DNMT1: variants seen among roughly 807,000 people sequenced by gnomAD.
DNMT1 encodes the protein DNA (cytosine-5)-methyltransferase 1.
A neutral mutation model predicts 205.3 loss-of-function variants in DNMT1; 24 were observed. That is an observed-to-expected ratio of 0.12 (90% CI 0.08 to 0.16). DNMT1 has a LOEUF of 0.16. Among genes scored for constraint, DNMT1 ranks in the 10% least tolerant of loss-of-function variants. The pLI is 1.00. For missense variants in DNMT1, 1,293 were observed against 2,177.7 expected, an observed-to-expected ratio of 0.59 and a Z score of 8.09; for synonymous variants, 817 against 839.8, an observed-to-expected ratio of 0.97 and a Z score of 0.47.
Position 10,156,030 on chromosome 19 carries a change from T to A in DNMT1, c.1400-85A>T. 7.1e-7 allele frequency: 1 copy of A among 1,411,470 alleles called. No individual in the cohort carries two copies. Among genetic ancestry groups the A allele is most frequent in the Non-Finnish European group, 9.8e-7 (1 of 1,020,368 alleles). 87.4% of individuals were successfully genotyped at this position (1,411,470 alleles called of 1,614,324 possible). Reference sequence around the variant, plus strand: ...GCTCTAAGCGCCCACTCAGCAGACATCCCATCAGCCAGGTCGGGTGCTCCT... The same window carrying A: ...GCTCTAAGCGCCCACTCAGCAGACAACCCATCAGCCAGGTCGGGTGCTCCT... On this transcript the variant is annotated intron_variant, in intron 18 of 40. Transcript: ENST00000359526. This position sits in a 1 kb window ranked among gnomAD's most constrained non-coding sequence, Gnocchi z 4.2.
intron 1 of DNMT1, among the ~76,000 whole-genome samples, chr19:10,185,195 G>A (rs895192437): frequency 1.3e-5 from 2 of 152,176 alleles, no homozygotes; most frequent in African/African-American, 4.8e-5. Context: ...GAAGGCTGAG[G>A]TGGGCGGATC....
rs151154163 is a variant in DNMT1 at position 10,182,083 on chromosome 19, A to G, written c.81-6T>C. 1.9e-5 allele frequency: 30 copies of G among 1,612,954 alleles called. No individual in the cohort carries two copies. The East Asian group carries it at 6.2e-4, about 34-fold the overall frequency. ...CTCTTTCCAAATCTTTGAGCCTGGG[A>G]GGAAGAAATAGGGGAGAAAATACAA... On this transcript the variant is annotated splice_polypyrimidine_tract_variant and splice_region_variant and intron_variant, in intron 1 of 40. Coordinates refer to ENST00000359526, the MANE Select transcript of DNMT1 (RefSeq NM_001130823.3).
Position 10,138,716 on chromosome 19 carries a change from G to A in DNMT1, c.3949-111C>T, listed in dbSNP as rs531116757. ...TGAGTCGGGAGTGGCTGGCCAATGC[G>A]GAGTGCACTTGCAGAAATCCCCAGT... is the stretch of plus-strand genomic sequence containing the variant. On this transcript the variant is annotated intron_variant, in intron 34 of 40. Transcript: ENST00000359526. The surrounding 1 kb of genome is among the most constrained non-coding windows in gnomAD (Gnocchi z 4.1). 1.7e-4 allele frequency: 227 copies of A among 1,372,728 alleles called. 1 individual carries two copies. In the African/African-American group the frequency reaches 2.7e-3, roughly 17 times the overall value. The allele number at this position is 1,372,728 out of a possible 1,614,324, so 85.0% of individuals were successfully genotyped here. A position where few individuals can be genotyped will look rare whatever the true frequency, so the allele number is the denominator to read the frequency against.
intron 5 of DNMT1, among the ~76,000 whole-genome samples, 186 bp from the exon 6 acceptor site, chr19:10,177,553 G>A (rs1158297295): frequency 6.6e-6 from 1 of 152,150 alleles, no homozygotes; most frequent in Non-Finnish European, 1.5e-5. Flanking sequence ...GCACCTGCCA[G>A]TTTGTTGAGC....
chr19:10,168,385 A>G (rs56093633), intron 9 of DNMT1, 21 bp from the exon 10 acceptor site: 1 of 1,613,766 alleles, frequency 6.2e-7, no homozygotes, highest in South Asian at 1.1e-5. Context: ...GGGAAAAAAG[A>G]CAAGTTAATT....
intron 17 of DNMT1, among the ~76,000 whole-genome samples, chr19:10,157,787 G>A (rs766743899): frequency 7.2e-5 from 11 of 152,312 alleles, no homozygotes; most frequent in Non-Finnish European, 1.2e-4. Context: ...GAGAGATGAA[G>A]CCAGCGTGGA....
rs1366994870 is a variant in DNMT1 at position 10,138,067 on chromosome 19, TC to T, written c.4116-59del. 1.3e-6 allele frequency: 2 copies of T among 1,558,034 alleles called. No homozygotes were observed. Among genetic ancestry groups the T allele is most frequent in the African/African-American group, 2.7e-5 (2 of 73,886 alleles). Reference sequence around the variant, plus strand: ...GATGCACGCAGCAGCTGTCCCCTCATCACAGGTGCCACCCCCTGCCTGCTCA... The same window carrying T: ...GATGCACGCAGCAGCTGTCCCCTCATACAGGTGCCACCCCCTGCCTGCTCA... On this transcript the variant is annotated intron_variant, in intron 35 of 40. Transcript: ENST00000359526. This position sits in a 1 kb window ranked among gnomAD's most constrained non-coding sequence, Gnocchi z 4.1.
chr19:10,145,869 C>T (rs1230610539), intron 28 of DNMT1, among the ~76,000 whole-genome samples: 2 of 152,046 alleles, frequency 1.3e-5, no homozygotes, highest in Admixed American at 6.6e-5. Context: ...CACTCTGTTG[C>T]CCAGGATGGA....
Position 10,149,836 on chromosome 19 carries a change from AAAAG to A in DNMT1, c.2381+13_2381+16del. ...AGAAAGTGCATGCAGAAGTCAAGCA[AAAAG>A]AAAGATGCAAACCTTGCTAGATACA... On this transcript the variant is annotated intron_variant, in intron 25 of 40. Coordinates refer to ENST00000359526, the MANE Select transcript of DNMT1 (RefSeq NM_001130823.3). 1.2e-6 allele frequency: 2 copies of A among 1,614,012 alleles called. No homozygotes were observed. The highest frequency in any genetic ancestry group is 1.7e-6 in the Non-Finnish European group (2 of 1,179,832).
In DNMT1 at chr19:10,140,723, A is replaced by G; in HGVS notation, c.3523+58T>C. The G allele has an allele frequency of 6.2e-7, 1 of 1,613,538 alleles. No individual in the cohort carries two copies. Among genetic ancestry groups the G allele is most frequent in the African/African-American group, 1.3e-5 (1 of 75,066 alleles). ...ACCGGGGTTGGAAGTCGTTTCAGGT[A>G]GCACCTGCCCGGTCTGGGCTCACCA... On this transcript the variant is annotated intron_variant, in intron 32 of 40. Coordinates refer to ENST00000359526, the MANE Select transcript of DNMT1 (RefSeq NM_001130823.3). This position sits in a 1 kb window ranked among gnomAD's most constrained non-coding sequence, Gnocchi z 8.4.
At chr19:10,157,560 A>G (rs926915595) in intron 17 of DNMT1, among the ~76,000 whole-genome samples, 14 of 152,176 alleles carry the variant, frequency 9.2e-5, no homozygotes, top group Admixed American at 3.9e-4. Flanking sequence ...TTCCCGGCCA[A>G]AGATGCTGGG....
chr19:10,141,755 G>A, intron 30 of DNMT1: 1 of 481,560 alleles, frequency 2.1e-6, no homozygotes, highest in South Asian at 2.5e-5. Flanking sequence ...GTTGCACCAA[G>A]ACACTAAAAC....
At position 10,156,624 on chromosome 19, in the gene DNMT1, T is replaced by C; in HGVS notation, c.1281-115A>G. On this transcript the variant is annotated intron_variant, in intron 17 of 40. Transcript: ENST00000359526. This position sits in a 1 kb window ranked among gnomAD's most constrained non-coding sequence, Gnocchi z 4.2. The stretch of plus-strand genomic sequence containing the variant: ...AATGTACAAGTCTGACACTCTTTTT[T>C]TGTTTGTTTTTGAGACAGAGTCTTG... 1.3e-6 allele frequency: 1 copy of C among 778,340 alleles called. No homozygotes were observed. The highest frequency in any genetic ancestry group is 1.4e-5 in the South Asian group (1 of 71,314). The allele number at this position is 778,340 out of a possible 1,614,324, so 48.2% of individuals were successfully genotyped here.
intron 11 of DNMT1, among the ~76,000 whole-genome samples, chr19:10,165,666 T>C (rs971334627): frequency 1.3e-5 from 2 of 152,170 alleles, no homozygotes; most frequent in Non-Finnish European, 2.9e-5. Context: ...GTGCTGGGAT[T>C]ACAGTAGTGA....
chr19:10,181,109 G>A (rs1414378952), intron 2 of DNMT1, among the ~76,000 whole-genome samples: 4 of 152,150 alleles, frequency 2.6e-5, no homozygotes, highest in Non-Finnish European at 5.9e-5. Flanking sequence ...AGCTGGAGGT[G>A]AGATGGAGAC....
intron 11 of DNMT1, among the ~76,000 whole-genome samples, chr19:10,164,090 G>A (rs998212986): frequency 6.6e-6 from 1 of 152,068 alleles, no homozygotes; most frequent in African/African-American, 2.4e-5. Flanking sequence ...CTGAATGTTG[G>A]TCAGAGATGC....
Position 10,154,545 on chromosome 19 carries a change from C to T in DNMT1, c.1832+41G>A, listed in dbSNP as rs776031443. On this transcript the variant is annotated intron_variant, in intron 21 of 40. Coordinates refer to ENST00000359526, the MANE Select transcript of DNMT1 (RefSeq NM_001130823.3). The surrounding 1 kb of genome is among the most constrained non-coding windows in gnomAD (Gnocchi z 6.3). ...GGATGTGGGCCATGCTCTACCCTCC[C>T]CGGTCTCCAGTCTTCACTCTGGTCC... 3.1e-6 allele frequency: 5 copies of T among 1,613,824 alleles called. No individual in the cohort carries two copies. The Admixed American group carries it at 8.3e-5, about 27-fold the overall frequency.
chr19:10,146,852 A>G lies in DNMT1; in HGVS notation c.2721-328T>C, dbSNP rs1451106035. Among the ~76,000 whole-genome samples, 1 of 152,236 alleles carries G rather than the reference A, an allele frequency of 6.6e-6. No individual in the cohort carries two copies. Among genetic ancestry groups the G allele is most frequent in the Non-Finnish European group, 1.5e-5 (1 of 68,038 alleles). On this transcript the variant is annotated intron_variant, in intron 27 of 40. Coordinates refer to ENST00000359526, the MANE Select transcript of DNMT1 (RefSeq NM_001130823.3). The surrounding 1 kb of genome is among the most constrained non-coding windows in gnomAD (Gnocchi z 4.4). Reference sequence around the variant, plus strand: ...CCCGAGTGGCTCAGTGAGGAACTCAATCCAGCAGAGACTCCTACTGTTCTC... The same window carrying G: ...CCCGAGTGGCTCAGTGAGGAACTCAGTCCAGCAGAGACTCCTACTGTTCTC...
chr19:10,160,048 C>G lies in DNMT1; in HGVS notation c.1059G>C (p.Met353Ile), dbSNP rs1390264889. Residue 353 changes from methionine to isoleucine, a missense_variant, in exon 15 of 41, where the codon ATG (methionine) becomes ATC (isoleucine). This residue lies in a region of DNMT1 where 394 missense variants were observed against 451.6 expected (regional missense o/e 0.87). Transcript: ENST00000359526. ...TTPKEPTEKK[M>I]ARAKTVMNSK... is the part of the protein sequence containing the mutation. ...AGTTCATGACTGTTTTGGCGCGAGCCATTTTTTTCTCCGTTCTGGGGGAAA... is the reference window on the plus strand; with the variant it reads ...AGTTCATGACTGTTTTGGCGCGAGCGATTTTTTTCTCCGTTCTGGGGGAAA... The G allele has an allele frequency of 2.5e-6, 4 of 1,595,400 alleles. No individual in the cohort carries two copies. In the Admixed American group the frequency reaches 6.9e-5, roughly 28 times the overall value.
Sources: gnomAD v4.1 joint callset for allele counts (sites outside exome capture counted in the v4.1 genomes callset) on GRCh38, gnomAD v4.1.1 for gene constraint, gnomAD v4.1.1 regional missense constraint, Gnocchi (gnomAD v3.1) non-coding constraint, MANE v1.5 for transcripts, NCBI Gene and HGNC (gene_info 2026-07-23, HGNC 2026-07-21) for gene names.